Variants in TMEM178B observed in about 807,000 individuals in gnomAD.
TMEM178B encodes the protein transmembrane protein 178B.
A neutral mutation model predicts 31.0 loss-of-function variants in TMEM178B; 5 were observed. The observed-to-expected ratio is 0.16, with a 90% CI of 0.08 to 0.34. The LOEUF is 0.34. TMEM178B is among the 10% of genes least tolerant of loss of function. The pLI, the probability that TMEM178B is intolerant of heterozygous loss-of-function variation, is 1.00. For missense variants in TMEM178B, 275 were observed against 400.3 expected (o/e 0.69, Z 2.67); for synonymous variants, 164 against 164.0 (o/e 1.00, Z 0.00).
In TMEM178B at chr7:141,402,454, G is replaced by A. The variant is rs999958602; in HGVS notation, c.497-35154G>A. The stretch of plus-strand genomic sequence containing the variant: ...CTGCTAACTTTTCACCTGCCATGTG[G>A]GAGCTGCATCTTGGTAGAGCTCAAG... On this transcript the variant is annotated intron_variant, in intron 2 of 3. Transcript: ENST00000565468. 3.9e-5 allele frequency among the ~76,000 whole-genome samples: 6 copies of A among 152,316 alleles called. No homozygotes were observed. The South Asian group carries it at 1.2e-3, about 32-fold the overall frequency.
At chr7:141,403,463 C>T (rs188363056) in intron 2 of TMEM178B, among the ~76,000 whole-genome samples, 35 of 152,288 alleles carry the variant, frequency 2.3e-4, no homozygotes, top group African/African-American at 6.0e-4. Context: ...GAGCTCCCAA[C>T]GGCTCAGCCC....
At chr7:141,228,568 C>G (rs1168854655) in intron 2 of TMEM178B, among the ~76,000 whole-genome samples, 1 of 152,182 alleles carries the variant, frequency 6.6e-6, no homozygotes, top group Non-Finnish European at 1.5e-5. Flanking sequence ...ATTAAAATTA[C>G]ATGGCCAAAG....
At chr7:141,140,236 C>A (rs1180008168) in intron 1 of TMEM178B, among the ~76,000 whole-genome samples, 1 of 152,202 alleles carries the variant, frequency 6.6e-6, no homozygotes, top group East Asian at 1.9e-4. Flanking sequence ...GCCAGAGGGC[C>A]TTTGCATGAA....
chr7:141,435,700 A>G (rs545047558), intron 2 of TMEM178B, among the ~76,000 whole-genome samples: 87 of 152,368 alleles, frequency 5.7e-4, no homozygotes, highest in African/African-American at 2.0e-3. Context: ...TATTGTGATC[A>G]AACGATGGTT....
intron 3 of TMEM178B, among the ~76,000 whole-genome samples, chr7:141,448,303 C>T (rs1214055834): frequency 6.6e-6 from 1 of 151,914 alleles, no homozygotes; most frequent in African/African-American, 2.4e-5. Flanking sequence ...GAGAATTGGA[C>T]GTTTGATTTA....
intron 1 of TMEM178B, among the ~76,000 whole-genome samples, chr7:141,179,045 A>T (rs1370675998): frequency 6.6e-6 from 1 of 152,194 alleles, no homozygotes; most frequent in Non-Finnish European, 1.5e-5. Flanking sequence ...AGTGCCCTTC[A>T]GATAATTCAG....
intron 2 of TMEM178B, among the ~76,000 whole-genome samples, chr7:141,292,669 G>T (rs1243420130): frequency 8.4e-6 from 1 of 119,388 alleles, no homozygotes; most frequent in Non-Finnish European, 1.6e-5. Flanking sequence ...ATGGAGTCTC[G>T]CTCTGTCACC....
At chr7:141,496,895 C>T in the TMEM178B span, among the ~76,000 whole-genome samples, 1 of 151,992 alleles carries the variant, frequency 6.6e-6, no homozygotes, top group Non-Finnish European at 1.5e-5. Context: ...ATAAAGAAAG[C>T]ATCTCAGTAT....
chr7:141,158,679 G>T (rs1796115149), intron 1 of TMEM178B, among the ~76,000 whole-genome samples: 2 of 152,172 alleles, frequency 1.3e-5, no homozygotes, highest in Admixed American at 6.5e-5. Flanking sequence ...CCCAGCTGGG[G>T]ATGCCTAGAT....
chr7:141,267,986 T>C (rs554450514), intron 2 of TMEM178B, among the ~76,000 whole-genome samples: 22 of 152,372 alleles, frequency 1.4e-4, no homozygotes, highest in African/African-American at 5.0e-4. Context: ...TTCCAGCCCA[T>C]TTGTGGCTCT....
chr7:141,321,141 C>A (rs774275897), intron 2 of TMEM178B, among the ~76,000 whole-genome samples: 14 of 152,186 alleles, frequency 9.2e-5, no homozygotes, highest in Non-Finnish European at 1.8e-4. Flanking sequence ...CAGTTACAGC[C>A]TGGGTGAGAC....
chr7:141,324,291 A>G (rs963394536), intron 2 of TMEM178B, among the ~76,000 whole-genome samples: 1 of 152,128 alleles, frequency 6.6e-6, no homozygotes, highest in African/African-American at 2.4e-5. Context: ...AGCAGAATGT[A>G]GCAGCCTGGG....
chr7:141,375,692 A>G (rs903273081), intron 2 of TMEM178B, among the ~76,000 whole-genome samples: 2 of 152,166 alleles, frequency 1.3e-5, no homozygotes, highest in African/African-American at 2.4e-5. Flanking sequence ...TTATTAAATT[A>G]TATTTAGGAA....
chr7:141,274,646 C>T (rs1167491710), intron 2 of TMEM178B, among the ~76,000 whole-genome samples: 7 of 152,210 alleles, frequency 4.6e-5, no homozygotes, highest in Non-Finnish European at 1.0e-4. Flanking sequence ...ATGCCCAAAT[C>T]CATGCCCTCA....
At chr7:141,125,405 G>A (rs904845439) in intron 1 of TMEM178B, among the ~76,000 whole-genome samples, 4 of 151,976 alleles carry the variant, frequency 2.6e-5, no homozygotes, top group East Asian at 1.9e-4. Context: ...GCCCGGCGCC[G>A]GATGTGGTGG....
At chr7:141,260,296 G>C (rs1478343388) in intron 2 of TMEM178B, among the ~76,000 whole-genome samples, 1 of 152,192 alleles carries the variant, frequency 6.6e-6, no homozygotes, top group African/African-American at 2.4e-5. Context: ...TGTTTCATTG[G>C]AGGAAGAGGT....
chr7:141,285,273 C>T (rs1333475027), intron 2 of TMEM178B, among the ~76,000 whole-genome samples: 5 of 150,626 alleles, frequency 3.3e-5, no homozygotes, highest in Non-Finnish European at 5.9e-5. Context: ...GCCTCAGCCT[C>T]CCGAGTAGCT....
At chr7:141,188,121 A>T (rs1456948726) in intron 1 of TMEM178B, among the ~76,000 whole-genome samples, 1 of 152,122 alleles carries the variant, frequency 6.6e-6, no homozygotes, top group African/African-American at 2.4e-5. Flanking sequence ...ATTTTTGTAT[A>T]AGGTGTAAGC....
chr7:141,204,171 G>A (rs2129186725), intron 1 of TMEM178B, among the ~76,000 whole-genome samples: 1 of 152,354 alleles, frequency 6.6e-6, no homozygotes, highest in African/African-American at 2.4e-5. Context: ...GAAGCAGGTG[G>A]GCAGGAGCTG....
Sources: gnomAD v4.1 joint callset for allele counts (sites outside exome capture counted in the v4.1 genomes callset) on GRCh38, gnomAD v4.1.1 for gene constraint, MANE v1.5 for transcripts, NCBI Gene and HGNC (gene_info 2026-07-23, HGNC 2026-07-21) for gene names.